The following KLC2 variants were observed in gnomAD, a reference collection of about 807,000 sequenced individuals.
KLC2 encodes KLC 2.
A neutral mutation model predicts 75.1 loss-of-function variants in KLC2; 35 were observed. The ratio of observed to expected loss-of-function variants is 0.47; its 90% CI spans 0.36 to 0.62. The LOEUF is 0.62. KLC2 is among the 20% of genes least tolerant of loss of function. The pLI is 0.00. For missense variants in KLC2, 611 were observed against 833.2 expected (o/e 0.73, Z 3.28); for synonymous variants, 314 against 336.7 (o/e 0.93, Z 0.74).
rs1010710117 is a variant in KLC2, at chr11:66,258,494, G to T, written c.-11-90G>T. On this transcript the variant is annotated intron_variant, in intron 1 of 15. Transcript: ENST00000394067. ...ACCTGGGCACACGGGAGACTCAGGC[G>T]TCCGGGGACCGCCTGTTTACCTAAT... 7.0e-6 allele frequency: 6 copies of T among 857,518 alleles called. No individual in the cohort carries two copies. The Admixed American group carries it at 1.4e-4, about 19-fold the overall frequency. 53.1% of individuals were successfully genotyped at this position (857,518 alleles called of 1,614,324 possible).
At position 66,267,544 on chromosome 11, in the gene KLC2, G is replaced by T. The variant is rs997899742; in HGVS notation, c.*588G>T. 7.3e-5 allele frequency: 47 copies of T among 647,352 alleles called. No individual in the cohort carries two copies. The highest frequency in any genetic ancestry group is 3.1e-5 in the Non-Finnish European group (11 of 350,216). The allele number at this position is 647,352 out of a possible 1,614,324, so 40.1% of individuals were successfully genotyped here. A position where few individuals can be genotyped will look rare whatever the true frequency, so the allele number is the denominator to read the frequency against. ...CTCGCGCTCCTCCTGGCCTCTGAGG[G>T]ATGCGTCCTACCCGCGCCATCGCCC... On this transcript the variant is annotated 3_prime_UTR_variant, in exon 16 of 16. Coordinates refer to ENST00000394067, the MANE Select transcript of KLC2 (RefSeq NM_001318734.2).
rs140215886 is a variant in KLC2 at position 66,261,888 on chromosome 11, G to C, written c.375G>C (p.Gln125His). 1.1e-5 allele frequency: 17 copies of C among 1,614,116 alleles called. No homozygotes were observed. Among genetic ancestry groups the C allele is most frequent in the Non-Finnish European group, 1.3e-5 (15 of 1,180,056 alleles). Residue 125 changes from glutamine to histidine, a missense_variant, in exon 3 of 16, where the codon CAG becomes CAC. By Grantham distance (24) the Gln-to-His change is conservative (BLOSUM62 0). Coordinates refer to ENST00000394067, the MANE Select transcript of KLC2 (RefSeq NM_001318734.2). ...AGCAGAAGCTGCAGCGCAGTGAGCAGGCCGTGGCCCAGCTCGAGGAGGAGA... is the reference window on the plus strand; with the variant it reads ...AGCAGAAGCTGCAGCGCAGTGAGCACGCCGTGGCCCAGCTCGAGGAGGAGA... ...GTQQKLQRSEQAVAQLEEEKQ... is the reference protein window; with the variant it reads ...GTQQKLQRSEHAVAQLEEEKQ...
At chr11:66,265,124 GA>G in intron 10 of KLC2, 43 bp from the exon 11 acceptor site, 2 of 1,610,578 alleles carry the variant, frequency 1.2e-6, no homozygotes, top group East Asian at 2.2e-5. Flanking sequence ...GGGATGTGCA[GA>G]GGGGGGCCTG....
chr11:66,250,169 C>A, the KLC2 span, among the ~76,000 whole-genome samples: 1 of 152,142 alleles, frequency 6.6e-6, no homozygotes, highest in African/African-American at 2.4e-5. Flanking sequence ...ACCACCCCAC[C>A]CAAAGCCTGG....
rs769827385 is a variant in KLC2 at position 66,262,152 on chromosome 11, A to G, written c.489A>G (p.Thr163=). Residue 163 remains threonine (T), a synonymous_variant, in exon 4 of 16, where the codon ACA becomes ACG. Transcript: ENST00000394067. The part of the protein sequence containing the change: ...NEEKGDVPKD[T]LDDLFPNEDE... ...AGAAGGGGGACGTCCCCAAAGACAC[A>G]CTGGATGACCTGTTCCCCAATGAGG... The G allele has an allele frequency of 6.2e-7, 1 of 1,613,364 alleles. No individual in the cohort carries two copies. Among genetic ancestry groups the G allele is most frequent in the South Asian group, 1.1e-5 (1 of 91,036 alleles).
At chr11:66,261,448 G>A in intron 2 of KLC2, 1 of 354,718 alleles carries the variant, frequency 2.8e-6, no homozygotes, top group Admixed American at 4.1e-5. Flanking sequence ...GACGAAGGAA[G>A]GGGCTAGTAG....
Position 66,261,724 on chromosome 11 carries a change from C to G in KLC2, c.229-18C>G. The G allele has an allele frequency of 1.3e-6, 2 of 1,580,064 alleles. No individual in the cohort carries two copies. The highest frequency in any genetic ancestry group is 2.2e-5 in the South Asian group (2 of 89,956). ...GGGGTCGACAGGCCTCCGACCCTTACCTGGGCTGGTTGCACAGGTGATCTT... is the reference window on the plus strand; with the variant it reads ...GGGGTCGACAGGCCTCCGACCCTTAGCTGGGCTGGTTGCACAGGTGATCTT... On this transcript the variant is annotated intron_variant, in intron 2 of 15. Coordinates refer to ENST00000394067, the MANE Select transcript of KLC2 (RefSeq NM_001318734.2).
chr11:66,250,775 G>C, the KLC2 span, among the ~76,000 whole-genome samples: 1 of 152,262 alleles, frequency 6.6e-6, no homozygotes, highest in African/African-American at 2.4e-5. Context: ...AGATAAGAGA[G>C]ATAAGGGAGA....
chr11:66,258,350 C>G, intron 1 of KLC2: 1 of 551,924 alleles, frequency 1.8e-6, no homozygotes, highest in East Asian at 3.1e-5. Context: ...CGGCCTGAGC[C>G]GGTGGTCTGG....
At chr11:66,261,680 G>C in intron 2 of KLC2, 62 bp from the exon 3 acceptor site, 1 of 1,131,132 alleles carries the variant, frequency 8.8e-7, no homozygotes, top group Non-Finnish European at 1.3e-6. Flanking sequence ...ACTAGGCCCA[G>C]GCTACAGTCA....
the KLC2 span, among the ~76,000 whole-genome samples, chr11:66,246,542 C>T: frequency 6.6e-6 from 1 of 152,134 alleles, no homozygotes; most frequent in Non-Finnish European, 1.5e-5. Flanking sequence ...TCCTGCACTG[C>T]GGGTTCTCCC....
rs1391957601 is a variant in KLC2 at position 66,262,972 on chromosome 11, A to G, written c.688A>G (p.Lys230Glu). The G allele has an allele frequency of 6.2e-7, 1 of 1,613,858 alleles. No homozygotes were observed. Among genetic ancestry groups the G allele is most frequent in the African/African-American group, 1.3e-5 (1 of 74,924 alleles). The change falls in exon 5 of 16, where the codon AAG becomes GAG. Residue 230 changes from lysine (K) to glutamate (E), a missense_variant. Lys to Glu is a moderately conservative substitution (Grantham distance 56). Transcript: ENST00000394067. ...CAAGCAGGCACTCGAAGACCTGGAG[A>G]AGACGTCAGGCCACGACCACCCTGA... ...LCKQALEDLEKTSGHDHPDVA... is the reference protein window; with the variant it reads ...LCKQALEDLEETSGHDHPDVA...
chr11:66,255,022 A>G (rs1465755593), upstream of KLC2, among the ~76,000 whole-genome samples: 1 of 152,194 alleles, frequency 6.6e-6, no homozygotes, highest in African/African-American at 2.4e-5. Flanking sequence ...TATTTCTCAA[A>G]AGATTTTGAA....
At chr11:66,251,304 C>T in the KLC2 span, among the ~76,000 whole-genome samples, 1 of 137,074 alleles carries the variant, frequency 7.3e-6, no homozygotes, top group Non-Finnish European at 1.7e-5. Flanking sequence ...CCAGTCTGGC[C>T]AACATGGTGA....
chr11:66,267,560 G>T lies in KLC2; in HGVS notation c.*604G>T. On this transcript the variant is annotated 3_prime_UTR_variant, in exon 16 of 16. Transcript: ENST00000394067. Reference sequence around the variant, plus strand: ...CCTCTGAGGGATGCGTCCTACCCGCGCCATCGCCCCGTGGCCCAGGACGGG... The same window carrying T: ...CCTCTGAGGGATGCGTCCTACCCGCTCCATCGCCCCGTGGCCCAGGACGGG... 1.6e-6 allele frequency: 1 copy of T among 628,570 alleles called. No homozygotes were observed. Among genetic ancestry groups the T allele is most frequent in the Non-Finnish European group, 2.9e-6 (1 of 343,942 alleles). The allele number at this position is 628,570 out of a possible 1,614,324, so 38.9% of individuals were successfully genotyped here.
rs777110967 is a variant in KLC2 at position 66,261,972 on chromosome 11, C to CGTGA, written c.459+2_459+5dup. On this transcript the variant is annotated frameshift_variant and splice_region_variant. Transcript: ENST00000394067. LOFTEE classifies it high-confidence loss of function. ...AGTTGGATGAAGACGCCTCCCCTAACGTGAGCTCCTACCATGGTCACTGTT... is the reference window on the plus strand; with the variant it reads ...AGTTGGATGAAGACGCCTCCCCTAACGTGAGTGAGCTCCTACCATGGTCACTGTT... 4.3e-5 allele frequency: 69 copies of CGTGA among 1,612,532 alleles called. No homozygotes were observed. Among genetic ancestry groups the CGTGA allele is most frequent in the Non-Finnish European group, 5.7e-5 (67 of 1,178,762 alleles).
intron 15 of KLC2, 67 bp from the exon 16 acceptor site, chr11:66,266,806 C>T: frequency 1.3e-6 from 2 of 1,547,796 alleles, no homozygotes; most frequent in Non-Finnish European, 1.8e-6. Context: ...GGTCAGACCC[C>T]TTCAGGCCAG....
upstream of KLC2, among the ~76,000 whole-genome samples, chr11:66,255,610 A>C (rs951753484): frequency 1.3e-5 from 2 of 152,222 alleles, no homozygotes; most frequent in Non-Finnish European, 2.9e-5. Context: ...TGAAATGGAC[A>C]AGGATAAACA....
chr11:66,266,713 G>A (rs1451201266), intron 15 of KLC2, 160 bp from the exon 16 acceptor site: 3 of 846,916 alleles, frequency 3.5e-6, no homozygotes, highest in Non-Finnish European at 6.0e-6. Flanking sequence ...AGATGGACGG[G>A]AGTGTCAGGG....
Sources: allele counts gnomAD v4.1 joint callset (sites outside exome capture counted in the v4.1 genomes callset), GRCh38; gene constraint gnomAD v4.1.1; transcripts MANE v1.5; gene names NCBI Gene and HGNC (gene_info 2026-07-23, HGNC 2026-07-21).